The following KCTD8 variants were observed in gnomAD, a reference collection of about 807,000 sequenced individuals.
The protein encoded by KCTD8 is potassium channel tetramerization domain containing 8.
In KCTD8, 27 loss-of-function variants were observed where a neutral mutation model predicts 31.5. The ratio of observed to expected loss-of-function variants is 0.86; its 90% CI spans 0.63 to 1.18. KCTD8 has a LOEUF of 1.18. Among genes scored for constraint, KCTD8 ranks in the 50% most tolerant of loss-of-function variants. The pLI is 0.00. For missense variants in KCTD8, 658 were observed against 647.7 expected, an observed-to-expected ratio of 1.02 and a Z score of -0.17; for synonymous variants, 290 against 280.0, an observed-to-expected ratio of 1.04 and a Z score of -0.36.
At chr4:44,407,016 T>C (rs773624030) in intron 1 of KCTD8, among the ~76,000 whole-genome samples, 1 of 152,252 alleles carries the variant, frequency 6.6e-6, no homozygotes, top group Non-Finnish European at 1.5e-5. Context: ...TGAGTTCAAG[T>C]CTACCTAATA....
chr4:44,383,148 C>A (rs551763329), intron 1 of KCTD8, among the ~76,000 whole-genome samples: 1 of 151,338 alleles, frequency 6.6e-6, no homozygotes, highest in Non-Finnish European at 1.5e-5. Flanking sequence ...ACCTATAAAA[C>A]GCTGATAAAA....
chr4:44,429,007 T>C (rs1721408559), intron 1 of KCTD8, among the ~76,000 whole-genome samples: 2 of 151,828 alleles, frequency 1.3e-5, no homozygotes, highest in Non-Finnish European at 3.0e-5. Flanking sequence ...TAAATCATCA[T>C]TGCATCATGG....
chr4:44,318,187 ATTTG>A (rs1718193165), intron 1 of KCTD8, among the ~76,000 whole-genome samples: 3 of 152,090 alleles, frequency 2.0e-5, no homozygotes, highest in South Asian at 2.1e-4. Flanking sequence ...CATTGCTTGC[ATTTG>A]TTTATGTTTA....
chr4:44,448,056 G>C lies in KCTD8; in HGVS notation c.468C>G (p.Leu156=). The C allele has an allele frequency of 6.2e-7, 1 of 1,612,078 alleles. No homozygotes were observed. The highest frequency in any genetic ancestry group is 1.7e-5 in the Admixed American group (1 of 59,936). ...GGTCGCTCTGGCAGCCCTCGTCGTT[G>C]AGAGAGTTCTGCTTGGTGACCTTGG... ...LSPKVTKQNS[L]NDEGCQSDLE... The change falls in exon 1 of 2, where the codon CTC becomes CTG. Residue 156 remains leucine, a synonymous_variant. Coordinates refer to ENST00000360029, the MANE Select transcript of KCTD8 (RefSeq NM_198353.3). This position sits in a 1 kb window ranked among gnomAD's most constrained non-coding sequence, Gnocchi z 4.1.
intron 1 of KCTD8, among the ~76,000 whole-genome samples, chr4:44,257,766 T>C (rs1716030999): frequency 6.6e-6 from 1 of 152,002 alleles, no homozygotes; most frequent in Non-Finnish European, 1.5e-5. Context: ...AGTTCAACTT[T>C]TAAAAATGAG....
At position 44,208,464 on chromosome 4, in the gene KCTD8, C is replaced by T. The variant is rs554456587; in HGVS notation, c.962-33214G>A. Among the ~76,000 whole-genome samples, 16 of 152,160 alleles carry T rather than the reference C, an allele frequency of 1.1e-4. No individual in the cohort carries two copies. In the South Asian group the frequency reaches 1.2e-3, roughly 12 times the overall value. ...CACCTCCATCTCTTATCACTACTTC[C>T]GTAACACGAAGCATTTCCTAATTAG... On this transcript the variant is annotated intron_variant, in intron 1 of 1. Coordinates refer to ENST00000360029, the MANE Select transcript of KCTD8 (RefSeq NM_198353.3).
At chr4:44,224,216 A>G (rs1714884334) in intron 1 of KCTD8, among the ~76,000 whole-genome samples, 1 of 152,210 alleles carries the variant, frequency 6.6e-6, no homozygotes, top group South Asian at 2.1e-4. Context: ...AATAAAATAT[A>G]CATACTTATT....
intron 1 of KCTD8, among the ~76,000 whole-genome samples, chr4:44,407,191 T>C (rs1560447277): frequency 6.6e-6 from 1 of 152,124 alleles, no homozygotes; most frequent in Non-Finnish European, 1.5e-5. Flanking sequence ...AGCAGCATCC[T>C]CTCATTCATC....
intron 1 of KCTD8, among the ~76,000 whole-genome samples, chr4:44,336,445 G>C (rs945142361): frequency 2.5e-4 from 38 of 151,750 alleles, no homozygotes; most frequent in Admixed American, 5.2e-4. Context: ...ATAATATTTA[G>C]GGTAAGGAAG....
intron 1 of KCTD8, among the ~76,000 whole-genome samples, chr4:44,384,135 C>T (rs545529694): frequency 1.9e-4 from 19 of 98,024 alleles, no homozygotes; most frequent in African/African-American, 6.2e-4. Flanking sequence ...GGTTCAATGC[C>T]TATTATCAAA....
intron 1 of KCTD8, among the ~76,000 whole-genome samples, chr4:44,181,293 C>T (rs1415233054): frequency 1.3e-5 from 2 of 151,762 alleles, no homozygotes; most frequent in African/African-American, 4.8e-5. Context: ...CCTCTGATGC[C>T]GAGCCGAGGC....
chr4:44,283,519 A>C (rs1446335493), intron 1 of KCTD8, among the ~76,000 whole-genome samples: 1 of 152,120 alleles, frequency 6.6e-6, no homozygotes, highest in South Asian at 2.1e-4. Flanking sequence ...CATATTCCAG[A>C]AGTCCTATGG....
rs372372121 is a variant in KCTD8, at chr4:44,181,704, G to A, written c.962-6454C>T. 3.3e-4 allele frequency among the ~76,000 whole-genome samples: 50 copies of A among 152,160 alleles called. No homozygotes were observed. In the East Asian group the frequency reaches 7.6e-3, roughly 23 times the overall value. On this transcript the variant is annotated intron_variant, in intron 1 of 1. Coordinates refer to ENST00000360029, the MANE Select transcript of KCTD8 (RefSeq NM_198353.3). ...AAGTGAGGACCCTCTCTGCCTGGCC[G>A]CCCATTGTCTGGGATGCCAGGAGCC... is the stretch of plus-strand genomic sequence containing the variant.
intron 1 of KCTD8, among the ~76,000 whole-genome samples, chr4:44,411,193 G>C (rs1330273625): frequency 6.6e-6 from 1 of 152,016 alleles, no homozygotes; most frequent in East Asian, 1.9e-4. Context: ...AAGTGGGCCA[G>C]GTATAGTGGC....
chr4:44,195,690 A>G (rs1460993577), intron 1 of KCTD8, among the ~76,000 whole-genome samples: 1 of 152,208 alleles, frequency 6.6e-6, no homozygotes, highest in African/African-American at 2.4e-5. Flanking sequence ...TTTATTAATA[A>G]CAAATAGAGT....
At chr4:44,338,005 T>C (rs2109416708) in intron 1 of KCTD8, among the ~76,000 whole-genome samples, 1 of 152,178 alleles carries the variant, frequency 6.6e-6, no homozygotes, top group Non-Finnish European at 1.5e-5. Flanking sequence ...TGAAAGATTA[T>C]TCAGTGATAT....
At chr4:44,336,742 A>G (rs1322362446) in intron 1 of KCTD8, among the ~76,000 whole-genome samples, 1 of 152,134 alleles carries the variant, frequency 6.6e-6, no homozygotes, top group East Asian at 1.9e-4. Context: ...GTCATAATAT[A>G]ATGAATTAAA....
At chr4:44,196,218 AAGAG>A (rs1323929573) in intron 1 of KCTD8, among the ~76,000 whole-genome samples, 2 of 152,226 alleles carry the variant, frequency 1.3e-5, no homozygotes, top group African/African-American at 2.4e-5. Context: ...CACTGAAAGA[AAGAG>A]AAAGATAGAG....
intron 1 of KCTD8, among the ~76,000 whole-genome samples, chr4:44,429,499 GACA>G (rs1721421559): frequency 6.6e-6 from 1 of 151,636 alleles, no homozygotes; most frequent in South Asian, 2.1e-4. Flanking sequence ...GCATGCTGAG[GACA>G]ACAAGCCAAA....
Sources: allele counts gnomAD v4.1 joint callset (sites outside exome capture counted in the v4.1 genomes callset), GRCh38; gene constraint gnomAD v4.1.1; non-coding constraint Gnocchi (gnomAD v3.1); transcripts MANE v1.5; gene names NCBI Gene and HGNC (gene_info 2026-07-23, HGNC 2026-07-21).